The following WWOX variants were observed in gnomAD, a reference collection of about 807,000 sequenced individuals.
WWOX encodes WW domain containing oxidoreductase, also known as WW domain-containing oxidoreductase.
A neutral mutation model predicts 46.2 loss-of-function variants in WWOX; 69 were observed. That is an observed-to-expected ratio of 1.49 (90% confidence interval 1.23 to 1.82). The LOEUF (loss-of-function observed/expected upper bound fraction) is 1.82. Among genes scored for constraint, WWOX ranks in the 40% most tolerant of loss-of-function variants. WWOX has a pLI of 0.00. For synonymous variants in WWOX, 359 were observed against 202.6 expected, an observed-to-expected ratio of 1.77 and a Z score of -6.56; for missense variants, 919 against 542.6, an observed-to-expected ratio of 1.69 and a Z score of -6.89.
intron 5 of WWOX, among the ~76,000 whole-genome samples, chr16:78,248,499 G>A (rs1348880922): frequency 6.6e-6 from 1 of 152,160 alleles, no homozygotes; most frequent in Non-Finnish European, 1.5e-5. Flanking sequence ...ACTTTGGGAG[G>A]CCGAGGCAGG....
intron 8 of WWOX, among the ~76,000 whole-genome samples, chr16:79,033,561 C>A (rs2047807660): frequency 6.6e-6 from 1 of 152,132 alleles, no homozygotes; most frequent in African/African-American, 2.4e-5. Flanking sequence ...GCGTAGCCAC[C>A]CCTTTATCAA....
At chr16:78,662,765 A>C (rs766189122) in intron 8 of WWOX, among the ~76,000 whole-genome samples, 2 of 152,162 alleles carry the variant, frequency 1.3e-5, no homozygotes, top group Non-Finnish European at 2.9e-5. Flanking sequence ...TCCAAGCTGC[A>C]CAGTTGTTGG....
At chr16:79,173,459 G>A (rs926922618) in intron 8 of WWOX, among the ~76,000 whole-genome samples, 4 of 152,208 alleles carry the variant, frequency 2.6e-5, no homozygotes, top group Non-Finnish European at 4.4e-5. Context: ...ACTGGGACCA[G>A]AAGCTCACTG....
At chr16:78,187,907 C>G (rs1366675302) in intron 5 of WWOX, among the ~76,000 whole-genome samples, 1 of 152,148 alleles carries the variant, frequency 6.6e-6, no homozygotes, top group Non-Finnish European at 1.5e-5. Flanking sequence ...AGTGACGTAA[C>G]AGGTGTTTCC....
At chr16:78,355,832 T>G in intron 5 of WWOX, 2 of 688,724 alleles carry the variant, frequency 2.9e-6, no homozygotes, top group South Asian at 2.7e-5. Context: ...GAGAGTTGGC[T>G]GAAACAAAGA....
At chr16:78,102,859 G>A (rs537822081) in intron 1 of WWOX, among the ~76,000 whole-genome samples, 1 of 152,128 alleles carries the variant, frequency 6.6e-6, no homozygotes, top group African/African-American at 2.4e-5. Flanking sequence ...ATCACCTTGG[G>A]AGGGTCAGCC....
intron 8 of WWOX, among the ~76,000 whole-genome samples, chr16:78,649,887 G>C (rs1480040083): frequency 6.6e-6 from 1 of 152,252 alleles, no homozygotes; most frequent in Non-Finnish European, 1.5e-5. Flanking sequence ...AGGCACAGTA[G>C]TGGAAGCAGG....
rs145504629 is a variant in WWOX at position 78,374,818 on chromosome 16, A to G, written c.517-12042A>G. Among the ~76,000 whole-genome samples, 174 of 151,864 alleles carry G rather than the reference A, an allele frequency of 1.1e-3. 1 individual carries two copies. Among genetic ancestry groups the G allele is most frequent in the Admixed American group, 2.6e-3 (40 of 15,266 alleles). ...GTCTGCCTCGGCCTCCCAAAGTGCT[A>G]AGATTACAGGCACGAGTCTCCGCAC... On this transcript the variant is annotated intron_variant, in intron 5 of 8. Transcript: ENST00000566780.
rs2037991437 is a variant in WWOX, at chr16:78,251,792, C to T, written c.516+87503C>T. 2.0e-5 allele frequency among the ~76,000 whole-genome samples: 3 copies of T among 152,162 alleles called. No homozygotes were observed. The South Asian group carries it at 6.2e-4, about 32-fold the overall frequency. ...TCGTTAAAGGATTAGTCAGCCTCTC[C>T]CTACTCCCCACCCACTTATCTCAGT... On this transcript the variant is annotated intron_variant, in intron 5 of 8. Transcript: ENST00000566780.
At chr16:78,842,320 C>A (rs1233530391) in intron 8 of WWOX, among the ~76,000 whole-genome samples, 2 of 146,950 alleles carry the variant, frequency 1.4e-5, no homozygotes, top group African/African-American at 2.5e-5. Context: ...ATAGGCAGAC[C>A]CCATCTCTAA....
chr16:78,547,662 A>G (rs1175410126), intron 8 of WWOX, among the ~76,000 whole-genome samples: 1 of 152,118 alleles, frequency 6.6e-6, no homozygotes, highest in African/African-American at 2.4e-5. Context: ...CTGCTGGCAG[A>G]TTGAGTGTTT....
intron 8 of WWOX, among the ~76,000 whole-genome samples, chr16:78,963,536 C>G (rs1342109202): frequency 6.6e-6 from 1 of 152,268 alleles, no homozygotes; most frequent in East Asian, 1.9e-4. Flanking sequence ...CACTCCTAAA[C>G]ACTTAAGCAG....
At chr16:78,693,456 G>C (rs560018475) in intron 8 of WWOX, among the ~76,000 whole-genome samples, 2 of 152,072 alleles carry the variant, frequency 1.3e-5, no homozygotes, top group African/African-American at 4.8e-5. Context: ...CAGTTTTCCA[G>C]CTTCTATTTT....
chr16:78,204,560 C>G (rs543197578), intron 5 of WWOX, among the ~76,000 whole-genome samples: 83 of 152,288 alleles, frequency 5.5e-4, no homozygotes, highest in Non-Finnish European at 9.3e-4. Context: ...ATCAACCCCC[C>G]ACTACCCTTC....
intron 4 of WWOX, among the ~76,000 whole-genome samples, chr16:78,132,513 G>T (rs911173161): frequency 6.6e-6 from 1 of 152,108 alleles, no homozygotes; most frequent in African/African-American, 2.4e-5. Flanking sequence ...CTTGCCTTTT[G>T]TTAATACGTA....
At chr16:79,199,554 T>C (rs2051306409) in intron 8 of WWOX, among the ~76,000 whole-genome samples, 1 of 152,172 alleles carries the variant, frequency 6.6e-6, no homozygotes, top group African/African-American at 2.4e-5. Flanking sequence ...AGCCTCAGTT[T>C]TCCTATTAAT....
chr16:78,139,858 G>C (rs911697860), intron 4 of WWOX, among the ~76,000 whole-genome samples: 3 of 152,162 alleles, frequency 2.0e-5, no homozygotes, highest in African/African-American at 7.2e-5. Flanking sequence ...GTCATTACTA[G>C]AGGCAACTAG....
At chr16:78,440,145 G>A (rs2151393859) in intron 8 of WWOX, among the ~76,000 whole-genome samples, 1 of 152,286 alleles carries the variant, frequency 6.6e-6, no homozygotes, top group South Asian at 2.1e-4. Flanking sequence ...CACAGGCACT[G>A]TTGAATACGT....
At chr16:78,618,531 A>G (rs990929692) in intron 8 of WWOX, among the ~76,000 whole-genome samples, 8 of 152,002 alleles carry the variant, frequency 5.3e-5, no homozygotes, top group African/African-American at 1.9e-4. Flanking sequence ...CCATATAATG[A>G]CTTTATTTTA....
Sources: gnomAD v4.1 joint callset for allele counts (sites outside exome capture counted in the v4.1 genomes callset) on GRCh38, gnomAD v4.1.1 for gene constraint, MANE v1.5 for transcripts, NCBI Gene and HGNC (gene_info 2026-07-23, HGNC 2026-07-21) for gene names.